The following ZNF804B variants were observed in gnomAD, a reference collection of about 807,000 sequenced individuals.
ZNF804B encodes the protein zinc finger 804B.
A neutral mutation model predicts 101.4 loss-of-function variants in ZNF804B; 80 were observed. The ratio of observed to expected loss-of-function variants is 0.79; its 90% CI spans 0.66 to 0.95. The LOEUF (loss-of-function observed/expected upper bound fraction) is 0.95, where lower values mean the gene tolerates loss of function less well. Ranked by LOEUF, ZNF804B falls within the 40% of genes least tolerant of loss-of-function variation. The pLI is 0.00. For missense variants in ZNF804B, 1,673 were observed against 1,561.9 expected (o/e 1.07, Z -1.20); for synonymous variants, 622 against 558.8 (o/e 1.11, Z -1.59).
intron 1 of ZNF804B, among the ~76,000 whole-genome samples, chr7:89,006,725 G>T (rs904694574): frequency 1.3e-5 from 2 of 152,104 alleles, no homozygotes; most frequent in African/African-American, 2.4e-5. Context: ...AGCAAACACT[G>T]TTAACAGAGA....
chr7:89,174,786 C>T (rs1056623169), intron 1 of ZNF804B, among the ~76,000 whole-genome samples: 16 of 151,814 alleles, frequency 1.1e-4, no homozygotes, highest in African/African-American at 3.6e-4. Context: ...ATAAAAAACA[C>T]ATAACTAGGG....
At chr7:89,304,977 C>T (rs375461117) in intron 2 of ZNF804B, among the ~76,000 whole-genome samples, 16 of 151,990 alleles carry the variant, frequency 1.1e-4, no homozygotes, top group African/African-American at 3.4e-4. Flanking sequence ...GTATGCAAGA[C>T]GGACTTGCAT....
chr7:88,860,138 A>C (rs1189180283), intron 1 of ZNF804B, among the ~76,000 whole-genome samples: 3 of 152,076 alleles, frequency 2.0e-5, no homozygotes, highest in African/African-American at 7.2e-5. Context: ...TTGGAAAATC[A>C]AAACATACCA....
At position 89,151,347 on chromosome 7, in the gene ZNF804B, C is replaced by G. The variant is rs1049110374; in HGVS notation, c.109-66808C>G. Among the ~76,000 whole-genome samples, 41 of 152,032 alleles carry G rather than the reference C, an allele frequency of 2.7e-4. 1 individual carries two copies. The highest frequency in any genetic ancestry group is 8.9e-4 in the African/African-American group (37 of 41,456). ...TTGATGCCATTTATATTTATTCACT[C>G]AACAATAATCTGATCTAGCATTAAC... On this transcript the variant is annotated intron_variant, in intron 1 of 3. Coordinates refer to ENST00000333190, the MANE Select transcript of ZNF804B (RefSeq NM_181646.5).
chr7:89,206,620 C>T (rs538543508), intron 1 of ZNF804B, among the ~76,000 whole-genome samples: 1 of 152,030 alleles, frequency 6.6e-6, no homozygotes, highest in Non-Finnish European at 1.5e-5. Context: ...GGCATGGTGG[C>T]TGGTGCCTGT....
chr7:89,248,469 A>AAAAAAAG (rs991164028), intron 2 of ZNF804B, among the ~76,000 whole-genome samples: 4 of 151,764 alleles, frequency 2.6e-5, no homozygotes, highest in African/African-American at 4.8e-5. Flanking sequence ...ATTCTTTGAA[A>AAAAAAAG]AAAAAAGAAA....
intron 1 of ZNF804B, among the ~76,000 whole-genome samples, chr7:89,144,871 G>T (rs1363068731): frequency 6.6e-6 from 1 of 151,878 alleles, no homozygotes; most frequent in Non-Finnish European, 1.5e-5. Context: ...TCCCAAGCAT[G>T]TTAGGAGGCC....
In ZNF804B at chr7:89,008,805, C is replaced by G. The variant is rs192648352; in HGVS notation, c.109-209350C>G. On this transcript the variant is annotated intron_variant, in intron 1 of 3. Transcript: ENST00000333190. ...GCTTTCCTTTCACTTTCAAGTAGAC[C>G]CTTACACTCTATCTGCTCCCATCTC... Among the ~76,000 whole-genome samples the G allele has an allele frequency of 3.1e-3, 471 of 152,252 alleles. 7 individuals carry two copies. Among genetic ancestry groups the G allele is most frequent in the African/African-American group, 0.011 (449 of 41,558 alleles).
chr7:88,829,989 C>T (rs757245580), intron 1 of ZNF804B, among the ~76,000 whole-genome samples: 20 of 152,098 alleles, frequency 1.3e-4, no homozygotes, highest in Non-Finnish European at 2.4e-4. Flanking sequence ...GCTAGTTAAG[C>T]TGCTATTTTA....
At chr7:88,926,524 G>C (rs1028122264) in intron 1 of ZNF804B, among the ~76,000 whole-genome samples, 1 of 151,870 alleles carries the variant, frequency 6.6e-6, no homozygotes, top group African/African-American at 2.4e-5. Flanking sequence ...AGAATTACTT[G>C]AACCCGGGAG....
intron 1 of ZNF804B, among the ~76,000 whole-genome samples, chr7:89,212,570 C>T (rs1020240146): frequency 2.6e-5 from 4 of 152,070 alleles, no homozygotes; most frequent in East Asian, 1.9e-4. Context: ...AAGGTAAGTA[C>T]GCAGTGAAAG....
intron 1 of ZNF804B, among the ~76,000 whole-genome samples, chr7:89,061,566 C>T (rs538418679): frequency 1.6e-4 from 25 of 152,236 alleles, no homozygotes; most frequent in African/African-American, 6.0e-4. Context: ...CTAGAGGCAG[C>T]ACTATTGTGG....
At chr7:88,888,315 C>G (rs1260549686) in intron 1 of ZNF804B, among the ~76,000 whole-genome samples, 1 of 152,078 alleles carries the variant, frequency 6.6e-6, no homozygotes, top group Non-Finnish European at 1.5e-5. Context: ...TCACTTGAAC[C>G]TGGGATGCAG....
intron 1 of ZNF804B, among the ~76,000 whole-genome samples, chr7:88,772,321 T>C (rs545344154): frequency 2.0e-5 from 3 of 152,282 alleles, no homozygotes; most frequent in Admixed American, 1.3e-4. Context: ...CTTCCAATAG[T>C]AGGTCACTTT....
rs115151745 is a variant in ZNF804B, at chr7:89,314,485, T to A, written c.250-12859T>A. ...ATCCCACTGCTGGTTGAGTCAAGCA[T>A]TCTTTGCACATCCTGCTTCACAAAG... On this transcript the variant is annotated intron_variant, in intron 2 of 3. Coordinates refer to ENST00000333190, the MANE Select transcript of ZNF804B (RefSeq NM_181646.5). Among the ~76,000 whole-genome samples, 293 of 152,312 alleles carry A rather than the reference T, an allele frequency of 1.9e-3. 4 individuals are homozygous for A. The highest frequency in any genetic ancestry group is 6.6e-3 in the African/African-American group (274 of 41,554).
At chr7:89,039,009 T>TA (rs1442168841) in intron 1 of ZNF804B, among the ~76,000 whole-genome samples, 1 of 152,048 alleles carries the variant, frequency 6.6e-6, no homozygotes, top group Non-Finnish European at 1.5e-5. Flanking sequence ...TCTGTTTTAT[T>TA]GGCCAGTATG....
intron 1 of ZNF804B, among the ~76,000 whole-genome samples, chr7:88,848,556 C>T (rs1034870863): frequency 3.3e-5 from 5 of 150,902 alleles, no homozygotes; most frequent in Non-Finnish European, 7.4e-5. Context: ...CCTGAAGAAA[C>T]TGTGAAATCT....
intron 1 of ZNF804B, among the ~76,000 whole-genome samples, chr7:89,183,016 AT>A (rs1286977819): frequency 5.9e-5 from 9 of 152,234 alleles, no homozygotes; most frequent in African/African-American, 2.2e-4. Context: ...TACAGGTTAT[AT>A]GTAAAGAATA....
intron 1 of ZNF804B, among the ~76,000 whole-genome samples, chr7:88,978,798 C>CTCTG (rs1793654114): frequency 5.3e-5 from 4 of 76,032 alleles, no homozygotes; most frequent in African/African-American, 2.0e-4. Context: ...CTCTCTCCCT[C>CTCTG]CCTGCCTCCC....
Sources: allele counts gnomAD v4.1 joint callset (sites outside exome capture counted in the v4.1 genomes callset), GRCh38; gene constraint gnomAD v4.1.1; transcripts MANE v1.5; gene names NCBI Gene and HGNC (gene_info 2026-07-23, HGNC 2026-07-21).